Variants in RGS7 observed in about 807,000 individuals in gnomAD.
RGS7 encodes regulator of G protein signaling 7.
Under a neutral mutation model 81.1 loss-of-function variants are expected in RGS7, and 27 were observed. The ratio of observed to expected loss-of-function variants is 0.33; its 90% CI spans 0.25 to 0.46. The LOEUF is 0.46. Ranked by LOEUF, RGS7 falls within the 20% of genes least tolerant of loss-of-function variation. RGS7 has a pLI of 1.00. For synonymous variants in RGS7, 208 were observed against 207.7 expected (o/e 1.00, Z -0.01); for missense variants, 396 against 607.4 (o/e 0.65, Z 3.66).
chr1:240,960,919 A>G (rs1250896714), intron 4 of RGS7, among the ~76,000 whole-genome samples: 1 of 152,192 alleles, frequency 6.6e-6, no homozygotes, highest in Non-Finnish European at 1.5e-5. Flanking sequence ...TCTGAAGGAA[A>G]TAGCATGCCA....
At chr1:241,180,157 G>A (rs774889439) in intron 2 of RGS7, among the ~76,000 whole-genome samples, 13 of 152,082 alleles carry the variant, frequency 8.5e-5, no homozygotes, top group Non-Finnish European at 1.6e-4. Flanking sequence ...GGCGGATCAC[G>A]AGGTCAGATC....
intron 2 of RGS7, among the ~76,000 whole-genome samples, chr1:241,277,618 CAAA>C (rs34520025): frequency 1.5e-5 from 2 of 132,774 alleles, no homozygotes; most frequent in Non-Finnish European, 1.6e-5. Context: ...GACTCCATCT[CAAA>C]AAAAAAAAAA....
chr1:241,074,047 T>C (rs1235233898), intron 3 of RGS7, among the ~76,000 whole-genome samples: 3 of 152,028 alleles, frequency 2.0e-5, no homozygotes, highest in Non-Finnish European at 4.4e-5. Context: ...ATTACAGGCA[T>C]GTGCCACCAG....
In RGS7 at chr1:241,087,951, TCTC is replaced by T. The variant is rs1558697564; in HGVS notation, c.175+10712_175+10714del. On this transcript the variant is annotated intron_variant, in intron 3 of 18. Coordinates refer to ENST00000440928, the MANE Select transcript of RGS7 (RefSeq NM_001364886.1). ...GCCACAGAGCAAGACTCCATCTCTC[TCTC>T]TCTCTCTCTCTCTCTCTCTCTCTAT... Among the ~76,000 whole-genome samples, 254 of 75,756 alleles carry T rather than the reference TCTC, an allele frequency of 3.4e-3. 1 individual carries two copies. Among genetic ancestry groups the T allele is most frequent in the African/African-American group, 0.011 (244 of 21,742 alleles). The allele number at this position is 75,756 out of a possible 152,430, so 49.7% of individuals were successfully genotyped here. A position where few individuals can be genotyped will look rare whatever the true frequency, so the allele number is the denominator to read the frequency against.
chr1:241,246,812 A>G (rs761079424), intron 2 of RGS7, among the ~76,000 whole-genome samples: 6 of 151,884 alleles, frequency 4.0e-5, no homozygotes, highest in Non-Finnish European at 8.8e-5. Flanking sequence ...CCATGCTTGG[A>G]TGAAACATCA....
Position 241,278,775 on chromosome 1 carries a change from C to A in RGS7, c.78+76924G>T, listed in dbSNP as rs1045949203. Among the ~76,000 whole-genome samples the A allele has an allele frequency of 3.3e-5, 5 of 152,342 alleles. No homozygotes were observed. The South Asian group carries it at 8.3e-4, about 25-fold the overall frequency. Reference sequence around the variant, plus strand: ...GTCTACGAACTGCCACGTGGCGCATCCTGACTCGGCATCTCTGCACACCTC... The same window carrying A: ...GTCTACGAACTGCCACGTGGCGCATACTGACTCGGCATCTCTGCACACCTC... On this transcript the variant is annotated intron_variant, in intron 2 of 18. Transcript: ENST00000440928.
intron 3 of RGS7, among the ~76,000 whole-genome samples, chr1:241,041,454 C>A (rs773540476): frequency 6.6e-6 from 1 of 151,806 alleles, no homozygotes; most frequent in Non-Finnish European, 1.5e-5. Flanking sequence ...AGTACAGGCA[C>A]TTTCTCTCAT....
chr1:240,956,553 C>G (rs1265926710), intron 4 of RGS7, among the ~76,000 whole-genome samples: 1 of 152,060 alleles, frequency 6.6e-6, no homozygotes, highest in Non-Finnish European at 1.5e-5. Flanking sequence ...ACATTTAGTA[C>G]ATTTAGTAAC....
chr1:241,024,400 C>T (rs980484897), intron 3 of RGS7, among the ~76,000 whole-genome samples: 12 of 152,142 alleles, frequency 7.9e-5, no homozygotes, highest in Non-Finnish European at 2.9e-5. Flanking sequence ...TATGCTATTT[C>T]CCTGCAGCTG....
intron 2 of RGS7, among the ~76,000 whole-genome samples, chr1:241,117,083 T>G (rs2065930316): frequency 6.6e-6 from 1 of 152,088 alleles, no homozygotes; most frequent in South Asian, 2.1e-4. Flanking sequence ...AGCATTACAA[T>G]GGAAGATTAT....
At chr1:241,111,096 A>C (rs531111521) in intron 2 of RGS7, among the ~76,000 whole-genome samples, 3 of 152,164 alleles carry the variant, frequency 2.0e-5, no homozygotes, top group Non-Finnish European at 4.4e-5. Flanking sequence ...CTAATGTTTC[A>C]ATTCTTTGAT....
intron 3 of RGS7, among the ~76,000 whole-genome samples, chr1:241,039,165 G>T (rs1449750928): frequency 6.6e-6 from 1 of 152,038 alleles, no homozygotes; most frequent in African/African-American, 2.4e-5. Context: ...CAGGACACCT[G>T]CCCAGCAAGA....
chr1:240,867,350 A>G (rs939892667), intron 9 of RGS7, among the ~76,000 whole-genome samples: 2 of 152,166 alleles, frequency 1.3e-5, no homozygotes, highest in Non-Finnish European at 2.9e-5. Flanking sequence ...CTATGAACCT[A>G]TTATTTATTC....
chr1:240,925,826 G>A (rs963172181), intron 6 of RGS7, among the ~76,000 whole-genome samples: 13 of 152,272 alleles, frequency 8.5e-5, no homozygotes, highest in African/African-American at 3.1e-4. Context: ...ATTCTGACTG[G>A]TGTGAGATCG....
intron 3 of RGS7, among the ~76,000 whole-genome samples, chr1:241,008,646 C>T (rs367745031): frequency 6.6e-6 from 1 of 152,048 alleles, no homozygotes; most frequent in African/African-American, 2.4e-5. Flanking sequence ...TGTGCAGAGG[C>T]TCACATCTGT....
At chr1:241,273,680 T>A (rs891249550) in intron 2 of RGS7, among the ~76,000 whole-genome samples, 1 of 152,130 alleles carries the variant, frequency 6.6e-6, no homozygotes, top group Non-Finnish European at 1.5e-5. Flanking sequence ...CTAGCCCTCA[T>A]AGGACTTCTG....
At chr1:241,270,595 G>T (rs1247455121) in intron 2 of RGS7, among the ~76,000 whole-genome samples, 2 of 152,150 alleles carry the variant, frequency 1.3e-5, no homozygotes. Flanking sequence ...GTAATTCAGA[G>T]ATCAAGTATC....
intron 4 of RGS7, among the ~76,000 whole-genome samples, chr1:240,960,543 G>A (rs892884072): frequency 2.4e-5 from 3 of 124,288 alleles, no homozygotes; most frequent in Non-Finnish European, 5.0e-5. Context: ...TGCCTGGGCT[G>A]TTCTTTTTTT....
chr1:240,862,577 G>A (rs923913656), intron 9 of RGS7, among the ~76,000 whole-genome samples: 12 of 152,140 alleles, frequency 7.9e-5, no homozygotes, highest in African/African-American at 2.9e-4. Flanking sequence ...ATTGAAAGGT[G>A]TAATAGCAGA....
Sources: gnomAD v4.1 joint callset for allele counts (sites outside exome capture counted in the v4.1 genomes callset) on GRCh38, gnomAD v4.1.1 for gene constraint, MANE v1.5 for transcripts, NCBI Gene and HGNC (gene_info 2026-07-23, HGNC 2026-07-21) for gene names.